HS3ST3B1: variants seen among roughly 807,000 people sequenced by gnomAD.
HS3ST3B1 encodes heparan sulfate-glucosamine 3-sulfotransferase 3B1.
In HS3ST3B1, 13 loss-of-function variants were observed where a neutral mutation model predicts 21.3. The observed-to-expected ratio is 0.61, with a 90% confidence interval of 0.40 to 0.97. The LOEUF is 0.97. Ranked by LOEUF, HS3ST3B1 falls within the 50% of genes least tolerant of loss-of-function variation. HS3ST3B1 has a pLI of 0.00. For synonymous variants in HS3ST3B1, 234 were observed against 254.8 expected (o/e 0.92, Z 0.78); for missense variants, 459 against 554.8 (o/e 0.83, Z 1.73).
At chr17:14,330,550 G>GGTGTGTATGTGTGTGTGTGTGT (rs111261697) in intron 1 of HS3ST3B1, among the ~76,000 whole-genome samples, 32 of 144,174 alleles carry the variant, frequency 2.2e-4, no homozygotes, top group African/African-American at 7.2e-4. Context: ...CTGGTTTCCC[G>GGTGTGTATGTGTGTGTGTGTGT]GTGTGTGTGT....
At chr17:14,336,162 G>A (rs1431417682) in intron 1 of HS3ST3B1, among the ~76,000 whole-genome samples, 2 of 152,168 alleles carry the variant, frequency 1.3e-5, no homozygotes, top group Non-Finnish European at 2.9e-5. Context: ...CTCAATGTGG[G>A]CTGCAGCTTG....
chr17:14,301,448 C>G lies in HS3ST3B1; in HGVS notation c.-71C>G. 1 of 1,337,140 alleles carries G rather than the reference C, an allele frequency of 7.5e-7. No homozygotes were observed. The highest frequency in any genetic ancestry group is 1.7e-5 in the South Asian group (1 of 59,092). 82.8% of individuals were successfully genotyped at this position (1,337,140 alleles called of 1,614,324 possible). ...CGTCCAGCGTGCCGGGGAACCCTCT[C>G]TGCGCTCACTGCCCGGCGGGACCCA... On this transcript the variant is annotated 5_prime_UTR_variant, in exon 1 of 2. Transcript: ENST00000360954.
In HS3ST3B1 at chr17:14,305,987, T is replaced by C. The variant is rs1909126895; in HGVS notation, c.554+3915T>C. Among the ~76,000 whole-genome samples, 3 of 152,168 alleles carry C rather than the reference T, an allele frequency of 2.0e-5. No homozygotes were observed. The South Asian group carries it at 6.2e-4, about 32-fold the overall frequency. ...AATATACCAACCCAGGCAGTCCTGCTCCAGAGATCGTTCTGGACCATTCTG... is the reference window on the plus strand; with the variant it reads ...AATATACCAACCCAGGCAGTCCTGCCCCAGAGATCGTTCTGGACCATTCTG... On this transcript the variant is annotated intron_variant, in intron 1 of 1. Transcript: ENST00000360954.
At chr17:14,340,743 C>T (rs1433270946) in intron 1 of HS3ST3B1, among the ~76,000 whole-genome samples, 1 of 152,080 alleles carries the variant, frequency 6.6e-6, no homozygotes, top group East Asian at 1.9e-4. Context: ...CCACCACGCT[C>T]AGCTAATTTT....
intron 1 of HS3ST3B1, chr17:14,305,007 T>G (rs16949359): frequency 0.046 from 6,960 of 152,284 alleles, 369 homozygotes; most frequent in African/African-American, 0.13. Flanking sequence ...GGAGTTTGAT[T>G]GCTCTTCCTT....
chr17:14,328,942 CT>C (rs1344704584), intron 1 of HS3ST3B1: 1 of 152,060 alleles, frequency 6.6e-6, no homozygotes, highest in Non-Finnish European at 1.5e-5. Flanking sequence ...TTTATTTGCA[CT>C]TACTTCCCTT....
Position 14,301,626 on chromosome 17 carries a change from C to A in HS3ST3B1, c.108C>A (p.Leu36=). The change falls in exon 1 of 2, where the codon CTC becomes CTA. Residue 36 remains leucine (L), a synonymous_variant. Transcript: ENST00000360954. ...CGGTGAGGAGGAAGCTCGCGCTGCT[C>A]TTCGCCATGCTCTGCGTCTGGCTCT... The part of the protein sequence containing the change: ...PPPVRRKLAL[L]FAMLCVWLYM... 6.2e-7 allele frequency: 1 copy of A among 1,607,442 alleles called. No individual in the cohort carries two copies. The highest frequency in any genetic ancestry group is 8.5e-7 in the Non-Finnish European group (1 of 1,178,794).
intron 1 of HS3ST3B1, among the ~76,000 whole-genome samples, chr17:14,342,911 T>C (rs184868811): frequency 1.3e-4 from 20 of 152,202 alleles, no homozygotes; most frequent in Admixed American, 1.2e-3. Context: ...ATTTTGGGGG[T>C]ACAATATGAT....
chr17:14,333,112 A>G (rs1280939146), intron 1 of HS3ST3B1, among the ~76,000 whole-genome samples: 1 of 152,048 alleles, frequency 6.6e-6, no homozygotes, highest in Admixed American at 6.6e-5. Flanking sequence ...CGTAGGAAAG[A>G]AACTAAAGAG....
At chr17:14,344,337 C>T (rs1910485809) in intron 1 of HS3ST3B1, among the ~76,000 whole-genome samples, 1 of 152,230 alleles carries the variant, frequency 6.6e-6, no homozygotes, top group East Asian at 1.9e-4. Flanking sequence ...TTGATCCCAT[C>T]ACCCAGGTAG....
At chr17:14,332,408 G>A (rs1310901044) in intron 1 of HS3ST3B1, among the ~76,000 whole-genome samples, 1 of 151,446 alleles carries the variant, frequency 6.6e-6, no homozygotes, top group Non-Finnish European at 1.5e-5. Context: ...CCCATAACCT[G>A]CCAGCGTCTT....
rs995683153 is a variant in HS3ST3B1, at chr17:14,301,457, C to G, written c.-62C>G. 1.2e-5 allele frequency: 16 copies of G among 1,363,218 alleles called. No individual in the cohort carries two copies. Among genetic ancestry groups the G allele is most frequent in the African/African-American group, 1.5e-5 (1 of 65,406 alleles). 84.4% of individuals were successfully genotyped at this position (1,363,218 alleles called of 1,614,324 possible). A position where few individuals can be genotyped will look rare whatever the true frequency, so the allele number is the denominator to read the frequency against. ...TGCCGGGGAACCCTCTCTGCGCTCA[C>G]TGCCCGGCGGGACCCACGCCATGTG... On this transcript the variant is annotated 5_prime_UTR_variant, in exon 1 of 2. Coordinates refer to ENST00000360954, the MANE Select transcript of HS3ST3B1 (RefSeq NM_006041.3).
chr17:14,319,859 G>A (rs549352287), intron 1 of HS3ST3B1, among the ~76,000 whole-genome samples: 7 of 152,006 alleles, frequency 4.6e-5, no homozygotes, highest in Non-Finnish European at 8.8e-5. Flanking sequence ...TGATTTCTGA[G>A]ATTTCGATGC....
chr17:14,301,474 C>T lies in HS3ST3B1; in HGVS notation c.-45C>T. ...TGCGCTCACTGCCCGGCGGGACCCACGCCATGTGCTGAGCCATGTCCCTGG... is the reference window on the plus strand; with the variant it reads ...TGCGCTCACTGCCCGGCGGGACCCATGCCATGTGCTGAGCCATGTCCCTGG... On this transcript the variant is annotated 5_prime_UTR_variant, in exon 1 of 2. The change creates a new upstream start codon in the 5' untranslated region. Coordinates refer to ENST00000360954, the MANE Select transcript of HS3ST3B1 (RefSeq NM_006041.3). 7.1e-7 allele frequency: 1 copy of T among 1,408,984 alleles called. No homozygotes were observed. Among genetic ancestry groups the T allele is most frequent in the Non-Finnish European group, 9.2e-7 (1 of 1,085,072 alleles). 87.3% of individuals were successfully genotyped at this position (1,408,984 alleles called of 1,614,324 possible).
At chr17:14,339,960 T>C (rs1014210870) in intron 1 of HS3ST3B1, among the ~76,000 whole-genome samples, 3 of 152,086 alleles carry the variant, frequency 2.0e-5, no homozygotes, top group Non-Finnish European at 4.4e-5. Context: ...GAGGAAGGTG[T>C]GCCCAGTTAG....
At chr17:14,322,038 C>G (rs1230000528) in intron 1 of HS3ST3B1, among the ~76,000 whole-genome samples, 1 of 150,596 alleles carries the variant, frequency 6.6e-6, no homozygotes, top group East Asian at 2.0e-4. Flanking sequence ...AATTTATAGG[C>G]CCTATAATTC....
chr17:14,345,759 A>C lies in HS3ST3B1; in HGVS notation c.*113A>C. ...ATAATTTATTTTTAATTCATAAGCAATTAATTCACTAAGCTGCCTAGCCAC... is the reference window on the plus strand; with the variant it reads ...ATAATTTATTTTTAATTCATAAGCACTTAATTCACTAAGCTGCCTAGCCAC... On this transcript the variant is annotated 3_prime_UTR_variant, in exon 2 of 2. Transcript: ENST00000360954. The C allele has an allele frequency of 7.6e-7, 1 of 1,314,514 alleles. No homozygotes were observed. Among genetic ancestry groups the C allele is most frequent in the Non-Finnish European group, 1.0e-6 (1 of 979,582 alleles). The allele number at this position is 1,314,514 out of a possible 1,614,324, so 81.4% of individuals were successfully genotyped here.
intron 1 of HS3ST3B1, among the ~76,000 whole-genome samples, chr17:14,313,066 C>T (rs1166141141): frequency 8.9e-6 from 1 of 112,414 alleles, no homozygotes; most frequent in Non-Finnish European, 1.9e-5. Flanking sequence ...CACACCACAC[C>T]CAGCTAATTA....
Position 14,310,229 on chromosome 17 carries a change from C to T in HS3ST3B1, c.554+8157C>T, listed in dbSNP as rs555184902. Among the ~76,000 whole-genome samples, 321 of 152,290 alleles carry T rather than the reference C, an allele frequency of 2.1e-3. 3 individuals carry two copies. The highest frequency in any genetic ancestry group is 7.4e-3 in the African/African-American group (306 of 41,550). ...TCCCTGAATCTCACCTGGACTCAGA[C>T]CGAGTGGCACGCCCCCTCCCCAGCA... On this transcript the variant is annotated intron_variant, in intron 1 of 1. Transcript: ENST00000360954.
Sources: gnomAD v4.1 joint callset for allele counts (sites outside exome capture counted in the v4.1 genomes callset) on GRCh38, gnomAD v4.1.1 for gene constraint, MANE v1.5 for transcripts, NCBI Gene and HGNC (gene_info 2026-07-23, HGNC 2026-07-21) for gene names.